FBXL13: variants seen among roughly 807,000 people sequenced by gnomAD.
The protein encoded by FBXL13 is F-box and leucine-rich repeat protein 13.
A neutral mutation model predicts 83.6 loss-of-function variants in FBXL13; 67 were observed. That is an observed-to-expected ratio of 0.80 (90% CI 0.66 to 0.98). The LOEUF is 0.98. FBXL13 is among the 50% of genes least tolerant of loss of function. The probability of loss-of-function intolerance (pLI) is 0.00; values close to 1 mark genes in which losing one functional copy is unlikely to be tolerated. For synonymous variants in FBXL13, 272 were observed against 299.5 expected, an observed-to-expected ratio of 0.91 and a Z score of 0.95; for missense variants, 822 against 866.5, an observed-to-expected ratio of 0.95 and a Z score of 0.64.
chr7:102,974,901 C>T (rs992969947), intron 6 of FBXL13, among the ~76,000 whole-genome samples: 1 of 152,180 alleles, frequency 6.6e-6, no homozygotes, highest in African/African-American at 2.4e-5. Flanking sequence ...TTTTCCTACA[C>T]TGTCCTCTCC....
chr7:102,826,093 T>C (rs1039601575), intron 18 of FBXL13, among the ~76,000 whole-genome samples: 1 of 152,200 alleles, frequency 6.6e-6, no homozygotes, highest in African/African-American at 2.4e-5. Context: ...AACTTGACTG[T>C]TGGCTTTCAG....
chr7:103,032,330 T>C (rs1794591143), intron 2 of FBXL13, among the ~76,000 whole-genome samples: 1 of 152,222 alleles, frequency 6.6e-6, no homozygotes, highest in Admixed American at 6.5e-5. Flanking sequence ...GCTTTTTCTA[T>C]TTTAAAGTAT....
chr7:102,829,325 C>T, intron 18 of FBXL13, among the ~76,000 whole-genome samples: 1 of 152,320 alleles, frequency 6.6e-6, no homozygotes, highest in East Asian at 1.9e-4. Context: ...CAGACTCAGA[C>T]AAGTTGGTAA....
At chr7:103,027,980 C>T (rs924450405) in intron 4 of FBXL13, among the ~76,000 whole-genome samples, 1 of 152,068 alleles carries the variant, frequency 6.6e-6, no homozygotes, top group African/African-American at 2.4e-5. Context: ...TTAAAATTTT[C>T]GGAGGGTCCA....
intron 6 of FBXL13, among the ~76,000 whole-genome samples, chr7:103,014,093 T>C (rs923675067): frequency 2.6e-5 from 4 of 152,298 alleles, no homozygotes; most frequent in East Asian, 1.9e-4. Flanking sequence ...GAGGAAGAGA[T>C]TAAATCCCTG....
At chr7:103,019,818 G>C (rs1792903465) in intron 6 of FBXL13, among the ~76,000 whole-genome samples, 1 of 152,164 alleles carries the variant, frequency 6.6e-6, no homozygotes, top group South Asian at 2.1e-4. Context: ...CTCTGAAACT[G>C]AGGCAATAAT....
intron 1 of FBXL13, among the ~76,000 whole-genome samples, chr7:103,066,791 AT>A (rs762824127): frequency 0.022 from 2,984 of 137,500 alleles, 33 homozygotes; most frequent in African/African-American, 0.046. Context: ...TTTTGTGAGG[AT>A]TTTTTTTTTT....
At chr7:102,832,674 T>C (rs180978676) in intron 18 of FBXL13, among the ~76,000 whole-genome samples, 166 bp downstream of exon 19, 1 of 152,368 alleles carries the variant, frequency 6.6e-6, no homozygotes, top group Non-Finnish European at 1.5e-5. Flanking sequence ...TTGACACCAG[T>C]GGAATCATAA....
At chr7:102,940,953 T>A (rs1821311642) in intron 8 of FBXL13, among the ~76,000 whole-genome samples, 1 of 152,246 alleles carries the variant, frequency 6.6e-6, no homozygotes, top group African/African-American at 2.4e-5. Context: ...CCCCTGCTTT[T>A]CTTCATGATA....
intron 2 of FBXL13, among the ~76,000 whole-genome samples, chr7:103,045,010 A>G (rs1796127221): frequency 6.6e-6 from 1 of 152,256 alleles, no homozygotes; most frequent in Non-Finnish European, 1.5e-5. Flanking sequence ...AAGGAATTTA[A>G]TTGAGCAATG....
chr7:102,834,473 A>ATATATATATATATGTG lies in FBXL13; in HGVS notation c.1720-1500_1720-1499insCACATATATATATATA, dbSNP rs1491519097. On this transcript the variant is annotated intron_variant, in intron 17 of 19. Coordinates refer to ENST00000313221, the Ensembl canonical transcript of FBXL13. ...TATGTGATTATATATATATATATATATGTGATGTGGCTCTTAGCACAAAAT... is the reference window on the plus strand; with the variant it reads ...TATGTGATTATATATATATATATATATATATATATATATGTGTGTGATGTGGCTCTTAGCACAAAAT... 28 of 141,544 alleles carry ATATATATATATATGTG rather than the reference A, an allele frequency of 2.0e-4. 1 individual carries two copies. The East Asian group carries it at 4.9e-3, about 25-fold the overall frequency. 8.8% of individuals were successfully genotyped at this position (141,544 alleles called of 1,614,324 possible). A position where few individuals can be genotyped will look rare whatever the true frequency, so the allele number is the denominator to read the frequency against.
intron 1 of FBXL13, among the ~76,000 whole-genome samples, chr7:103,064,536 A>C (rs1388138007): frequency 6.6e-6 from 1 of 152,194 alleles, no homozygotes; most frequent in Non-Finnish European, 1.5e-5. Context: ...GTTGTGATCT[A>C]TATCTTTTTA....
At chr7:102,904,241 G>C (rs1362756686) in intron 11 of FBXL13, among the ~76,000 whole-genome samples, 1 of 151,830 alleles carries the variant, frequency 6.6e-6, no homozygotes, top group Non-Finnish European at 1.5e-5. Flanking sequence ...ATGTGTCTAG[G>C]AATTTGTCCC....
At chr7:102,903,796 C>G (rs1293118446) in intron 11 of FBXL13, among the ~76,000 whole-genome samples, 1 of 152,006 alleles carries the variant, frequency 6.6e-6, no homozygotes, top group East Asian at 1.9e-4. Context: ...GTTGAACCAT[C>G]CTTGCATCCC....
intron 10 of FBXL13, 35 bp from the exon 12 acceptor site, chr7:102,913,250 A>C: frequency 1.9e-6 from 3 of 1,612,152 alleles, no homozygotes; most frequent in Non-Finnish European, 2.5e-6. Flanking sequence ...AAAGTATTAT[A>C]CTTCCGTTGT....
chr7:102,833,439 T>G (rs1021779075), intron 17 of FBXL13, among the ~76,000 whole-genome samples: 1 of 150,242 alleles, frequency 6.7e-6, no homozygotes, highest in African/African-American at 2.4e-5. Context: ...CTGTTTCCTT[T>G]TTTTTTTTTT....
intron 17 of FBXL13, 130 bp from the exon 19 acceptor site, chr7:102,833,104 A>G: frequency 1.1e-6 from 1 of 948,404 alleles, no homozygotes; most frequent in Non-Finnish European, 1.5e-6. Flanking sequence ...CCCCCAAAAA[A>G]TAATTTAAAA....
chr7:103,073,512 T>C (rs942920587), intron 1 of FBXL13, among the ~76,000 whole-genome samples: 1 of 152,096 alleles, frequency 6.6e-6, no homozygotes, highest in African/African-American at 2.4e-5. Context: ...TAATAATATG[T>C]CTTGGAGGAC....
intron 6 of FBXL13, among the ~76,000 whole-genome samples, chr7:103,013,760 C>G (rs928857364): frequency 2.3e-4 from 35 of 151,420 alleles, no homozygotes; most frequent in African/African-American, 7.8e-4. Flanking sequence ...CCAAGACTAG[C>G]AGAAGACAAA....
Sources: gnomAD v4.1 joint callset for allele counts (sites outside exome capture counted in the v4.1 genomes callset) on GRCh38, gnomAD v4.1.1 for gene constraint, MANE v1.5 for transcripts, NCBI Gene and HGNC (gene_info 2026-07-23, HGNC 2026-07-21) for gene names.